Variants in DCC observed in about 807,000 individuals in gnomAD.
DCC encodes netrin receptor DCC.
A neutral mutation model predicts 172.5 loss-of-function variants in DCC; 58 were observed. That is an observed-to-expected ratio of 0.34 (90% CI 0.27 to 0.42). The LOEUF is 0.42. DCC is among the 10% of genes least tolerant of loss of function. DCC has a pLI of 1.00. For missense variants in DCC, 1,740 were observed against 1,791.0 expected (o/e 0.97, Z 0.51); for synonymous variants, 709 against 644.5 (o/e 1.10, Z -1.52).
At chr18:52,724,807 C>CT in intron 1 of DCC, among the ~76,000 whole-genome samples, 1 of 152,232 alleles carries the variant, frequency 6.6e-6, no homozygotes, top group Middle Eastern at 3.4e-3. Flanking sequence ...AGTGAGTAAA[C>CT]CTGGCTCCAT....
At position 52,923,731 on chromosome 18, in the gene DCC, A is replaced by G. The variant is rs1258834567; in HGVS notation, c.722A>G (p.Tyr241Cys). ...GATCCAGGACTGCATAGACAGCTGTATTTTCTGCAAAGACCATCCAATGTA... is the reference window on the plus strand; with the variant it reads ...GATCCAGGACTGCATAGACAGCTGTGTTTTCTGCAAAGACCATCCAATGTA... ...LSDPGLHRQL[Y>C]FLQRPSNVVA... is the part of the protein sequence containing the mutation. The change falls in exon 4 of 29, where the codon TAT (tyrosine) becomes TGT (cysteine). Residue 241 changes from tyrosine to cysteine, a missense_variant. Tyr to Cys is a radical substitution (Grantham distance 194, BLOSUM62 -2). Coordinates refer to ENST00000442544, the MANE Select transcript of DCC (RefSeq NM_005215.4). The G allele has an allele frequency of 6.2e-7, 1 of 1,610,932 alleles. No homozygotes were observed. The highest frequency in any genetic ancestry group is 8.5e-7 in the Non-Finnish European group (1 of 1,177,370).
chr18:52,965,812 G>C (rs1400196120), intron 5 of DCC, among the ~76,000 whole-genome samples: 1 of 152,114 alleles, frequency 6.6e-6, no homozygotes, highest in Non-Finnish European at 1.5e-5. Context: ...CAGGTTTCCT[G>C]TCTTCCAAAT....
chr18:53,500,463 A>G (rs2046083066), intron 27 of DCC, among the ~76,000 whole-genome samples: 1 of 152,142 alleles, frequency 6.6e-6, no homozygotes, highest in African/African-American at 2.4e-5. Context: ...ACATTTGACT[A>G]ACTTTTCTGT....
intron 1 of DCC, among the ~76,000 whole-genome samples, chr18:52,714,913 G>T (rs1487426074): frequency 6.6e-6 from 1 of 152,154 alleles, no homozygotes; most frequent in Non-Finnish European, 1.5e-5. Flanking sequence ...TGCTGTAGAA[G>T]TTGGACAGTT....
intron 1 of DCC, among the ~76,000 whole-genome samples, chr18:52,556,598 G>A (rs1213249057): frequency 6.6e-6 from 1 of 152,042 alleles, no homozygotes; most frequent in East Asian, 1.9e-4. Context: ...CATTTTCACA[G>A]TAAAAATCTC....
At chr18:52,760,781 G>T (rs1342280805) in intron 2 of DCC, among the ~76,000 whole-genome samples, 1 of 152,094 alleles carries the variant, frequency 6.6e-6, no homozygotes, top group Non-Finnish European at 1.5e-5. Flanking sequence ...TTTCTACAAA[G>T]TAAAGAGACA....
At chr18:52,506,504 G>A (rs527574868) in intron 1 of DCC, among the ~76,000 whole-genome samples, 1 of 152,142 alleles carries the variant, frequency 6.6e-6, no homozygotes, top group South Asian at 2.1e-4. Flanking sequence ...TATTGTCTTT[G>A]TAGATTCTGG....
chr18:52,993,671 C>T (rs1361736631), intron 5 of DCC, among the ~76,000 whole-genome samples: 1 of 151,972 alleles, frequency 6.6e-6, no homozygotes, highest in African/African-American at 2.4e-5. Context: ...TTTTGAATTC[C>T]CAGGAAGTAA....
intron 1 of DCC, among the ~76,000 whole-genome samples, chr18:52,579,917 A>G (rs542447673): frequency 5.3e-5 from 8 of 152,368 alleles, no homozygotes; most frequent in African/African-American, 9.6e-5. Context: ...GTACTGGATC[A>G]AGAAAGAAGG....
chr18:52,552,375 C>G (rs542564518), intron 1 of DCC, among the ~76,000 whole-genome samples: 2 of 151,938 alleles, frequency 1.3e-5, no homozygotes, highest in South Asian at 2.1e-4. Context: ...TATGTGCATC[C>G]TAGGGCCTGA....
At chr18:53,082,019 A>G (rs373289501) in intron 7 of DCC, among the ~76,000 whole-genome samples, 3 of 152,112 alleles carry the variant, frequency 2.0e-5, no homozygotes, top group African/African-American at 7.2e-5. Flanking sequence ...GGTAATTTAC[A>G]ATCTAAGAGT....
chr18:52,896,193 C>G (rs939399674), intron 2 of DCC, among the ~76,000 whole-genome samples: 1 of 152,184 alleles, frequency 6.6e-6, no homozygotes, highest in Non-Finnish European at 1.5e-5. Context: ...TTTTGCAACA[C>G]TGATAGGCTA....
intron 2 of DCC, among the ~76,000 whole-genome samples, chr18:52,857,418 C>A (rs929125042): frequency 2.0e-5 from 3 of 152,080 alleles, no homozygotes; most frequent in Non-Finnish European, 4.4e-5. Context: ...CATTTTAGTG[C>A]AGTAGAAAAT....
intron 1 of DCC, among the ~76,000 whole-genome samples, chr18:52,691,295 G>C (rs934167526): frequency 2.0e-5 from 3 of 152,068 alleles, no homozygotes; most frequent in African/African-American, 7.2e-5. Flanking sequence ...CCCTGGCCAA[G>C]GCTCACTTGT....
chr18:52,623,866 T>C (rs1394675002), intron 1 of DCC, among the ~76,000 whole-genome samples: 2 of 152,144 alleles, frequency 1.3e-5, no homozygotes, highest in African/African-American at 4.8e-5. Flanking sequence ...CTTTAAAGCT[T>C]ATCATAATGT....
intron 2 of DCC, among the ~76,000 whole-genome samples, chr18:52,792,958 G>A (rs12456541): frequency 0.22 from 32,840 of 152,028 alleles, 4,267 homozygotes; most frequent in South Asian, 0.34. Context: ...TTAGAAAGAA[G>A]TCAGGACACA....
At chr18:52,343,225 CCT>C (rs1983734629) in intron 1 of DCC, among the ~76,000 whole-genome samples, 1 of 152,176 alleles carries the variant, frequency 6.6e-6, no homozygotes, top group African/African-American at 2.4e-5. Context: ...AATAATTTCC[CCT>C]GTTTAGGAAC....
chr18:52,753,140 A>G (rs551818372), intron 2 of DCC, among the ~76,000 whole-genome samples: 1 of 152,274 alleles, frequency 6.6e-6, no homozygotes, highest in Admixed American at 6.5e-5. Context: ...ATATATACCC[A>G]TAAGTAGGAT....
intron 22 of DCC, among the ~76,000 whole-genome samples, chr18:53,448,047 GTTTTTTTTTTTT>G (rs35238619): frequency 1.1e-4 from 12 of 113,756 alleles, no homozygotes; most frequent in African/African-American, 3.7e-4. Flanking sequence ...ATTTTGATGA[GTTTTTTTTTTTT>G]TTTTTTTTTT....
Sources: allele counts gnomAD v4.1 joint callset (sites outside exome capture counted in the v4.1 genomes callset), GRCh38; gene constraint gnomAD v4.1.1; transcripts MANE v1.5; gene names NCBI Gene and HGNC (gene_info 2026-07-23, HGNC 2026-07-21).